Variants in CACNA2D3 observed in about 807,000 individuals in gnomAD.
CACNA2D3 encodes the protein voltage-dependent calcium channel subunit alpha-2/delta-3.
In CACNA2D3, 60 loss-of-function variants were observed where a neutral mutation model predicts 160.6. The observed-to-expected ratio is 0.37, with a 90% CI of 0.30 to 0.46. The LOEUF (loss-of-function observed/expected upper bound fraction) is 0.46, where lower values mean the gene tolerates loss of function less well. CACNA2D3 is among the 20% of genes least tolerant of loss of function. CACNA2D3 has a pLI of 1.00. For synonymous variants in CACNA2D3, 558 were observed against 492.9 expected, an observed-to-expected ratio of 1.13 and a Z score of -1.75; for missense variants, 1,205 against 1,365.0, an observed-to-expected ratio of 0.88 and a Z score of 1.85.
intron 11 of CACNA2D3, among the ~76,000 whole-genome samples, chr3:54,664,111 AG>A (rs759693179): frequency 3.0e-4 from 46 of 152,208 alleles, no homozygotes; most frequent in Non-Finnish European, 6.5e-4. Flanking sequence ...GATGGCAAAG[AG>A]GTTGCATCCC....
intron 8 of CACNA2D3, among the ~76,000 whole-genome samples, chr3:54,580,179 G>T (rs1189334101): frequency 2.0e-5 from 3 of 152,080 alleles, no homozygotes; most frequent in African/African-American, 7.2e-5. Context: ...GTGATTGGAC[G>T]TGCTTGCCAA....
intron 3 of CACNA2D3, among the ~76,000 whole-genome samples, chr3:54,358,425 G>A (rs1337475790): frequency 6.6e-6 from 1 of 152,196 alleles, no homozygotes; most frequent in African/African-American, 2.4e-5. Context: ...TGACATTTTG[G>A]CATTAACATT....
chr3:54,818,214 G>A (rs2106716200), intron 14 of CACNA2D3, among the ~76,000 whole-genome samples: 1 of 152,310 alleles, frequency 6.6e-6, no homozygotes, highest in Non-Finnish European at 1.5e-5. Context: ...TTTTGAGACA[G>A]AGTCTCACTA....
intron 2 of CACNA2D3, among the ~76,000 whole-genome samples, chr3:54,186,252 A>G (rs1272225040): frequency 1.3e-5 from 2 of 152,226 alleles, no homozygotes; most frequent in African/African-American, 4.8e-5. Flanking sequence ...TTTTGCTTGG[A>G]TGAAATTTTA....
At chr3:54,293,683 T>C (rs1432707908) in intron 2 of CACNA2D3, among the ~76,000 whole-genome samples, 1 of 152,026 alleles carries the variant, frequency 6.6e-6, no homozygotes, top group Non-Finnish European at 1.5e-5. Flanking sequence ...TCATACTGAG[T>C]GAAAGAAGCT....
At chr3:54,431,017 T>C (rs962341484) in intron 4 of CACNA2D3, among the ~76,000 whole-genome samples, 4 of 152,094 alleles carry the variant, frequency 2.6e-5, no homozygotes, top group Non-Finnish European at 4.4e-5. Flanking sequence ...TAGAATAGAT[T>C]AGCTAGAGAA....
At chr3:54,683,154 G>A (rs1475739381) in intron 11 of CACNA2D3, among the ~76,000 whole-genome samples, 1 of 152,112 alleles carries the variant, frequency 6.6e-6, no homozygotes, top group Non-Finnish European at 1.5e-5. Flanking sequence ...TTCTGAAATG[G>A]AACACTCAGC....
At chr3:55,030,736 A>G (rs1447912244) in intron 35 of CACNA2D3, among the ~76,000 whole-genome samples, 1 of 152,148 alleles carries the variant, frequency 6.6e-6, no homozygotes, top group East Asian at 1.9e-4. Context: ...GCTCAGAGGA[A>G]AAAGTACCCT....
intron 34 of CACNA2D3, among the ~76,000 whole-genome samples, chr3:55,017,616 C>G (rs1367945960): frequency 3.9e-5 from 6 of 152,150 alleles, no homozygotes. Flanking sequence ...GCCCACTGGA[C>G]AATCAACTGC....
chr3:54,390,938 G>A (rs1278858579), intron 4 of CACNA2D3, among the ~76,000 whole-genome samples: 4 of 151,958 alleles, frequency 2.6e-5, no homozygotes, highest in African/African-American at 4.8e-5. Flanking sequence ...GTGAAATAAC[G>A]CTGAGAAGGA....
chr3:55,063,711 C>G (rs1704568351), intron 35 of CACNA2D3, among the ~76,000 whole-genome samples: 1 of 152,090 alleles, frequency 6.6e-6, no homozygotes, highest in Admixed American at 6.5e-5. Flanking sequence ...GTTTGCTTCA[C>G]TCAATGCAGA....
At chr3:54,486,015 C>G (rs182244219) in intron 4 of CACNA2D3, among the ~76,000 whole-genome samples, 1 of 152,128 alleles carries the variant, frequency 6.6e-6, no homozygotes, top group Non-Finnish European at 1.5e-5. Context: ...GGGAATTGCA[C>G]GAAAAATTTC....
intron 8 of CACNA2D3, among the ~76,000 whole-genome samples, chr3:54,573,307 G>T (rs1039076367): frequency 6.6e-6 from 1 of 152,106 alleles, no homozygotes; most frequent in Non-Finnish European, 1.5e-5. Flanking sequence ...GAAGGCCAAG[G>T]TCATAAAAGA....
In CACNA2D3 at chr3:54,871,565, A is replaced by G; in HGVS notation, c.1653A>G (p.Lys551=). 6.2e-7 allele frequency: 1 copy of G among 1,613,574 alleles called. No homozygotes were observed. Among genetic ancestry groups the G allele is most frequent in the Non-Finnish European group, 8.5e-7 (1 of 1,179,566 alleles). The change falls in exon 18 of 38, where the codon AAA becomes AAG. Residue 551 remains lysine (K), a synonymous_variant. Transcript: ENST00000474759. The stretch of plus-strand genomic sequence containing the variant: ...ACGAAGAAGGAAAAAAGCGAAGGAA[A>G]CCTAACTATAGTAGCGTTGACCTCT... ...LLYEEGKKRR[K]PNYSSVDLSE...
intron 27 of CACNA2D3, among the ~76,000 whole-genome samples, chr3:54,957,860 C>T (rs1377712715): frequency 6.6e-6 from 1 of 152,176 alleles, no homozygotes; most frequent in African/African-American, 2.4e-5. Flanking sequence ...GTAGATTTTT[C>T]CAAAGCACAA....
At chr3:54,429,027 C>G (rs1212747126) in intron 4 of CACNA2D3, among the ~76,000 whole-genome samples, 1 of 152,166 alleles carries the variant, frequency 6.6e-6, no homozygotes, top group Admixed American at 6.6e-5. Flanking sequence ...AAGACCCAAG[C>G]TGGTGGGATG....
At chr3:54,430,630 TCCC>T (rs1699975360) in intron 4 of CACNA2D3, among the ~76,000 whole-genome samples, 1 of 152,210 alleles carries the variant, frequency 6.6e-6, no homozygotes, top group South Asian at 2.1e-4. Context: ...GTCTAGGGTC[TCCC>T]CTGCACTAAG....
chr3:54,689,856 T>A (rs1348413549), intron 11 of CACNA2D3, among the ~76,000 whole-genome samples: 1 of 152,144 alleles, frequency 6.6e-6, no homozygotes, highest in East Asian at 1.9e-4. Flanking sequence ...AGTGATTTGT[T>A]TAAAATGCAT....
chr3:54,463,482 C>G (rs891829621), intron 4 of CACNA2D3, among the ~76,000 whole-genome samples: 4 of 152,096 alleles, frequency 2.6e-5, no homozygotes, highest in African/African-American at 4.8e-5. Context: ...TCTTTTTATT[C>G]TTTTTTCTGT....
Sources: allele counts gnomAD v4.1 joint callset (sites outside exome capture counted in the v4.1 genomes callset), GRCh38; gene constraint gnomAD v4.1.1; transcripts MANE v1.5; gene names NCBI Gene and HGNC (gene_info 2026-07-23, HGNC 2026-07-21).